The following AP1S2 variants were observed in gnomAD, a reference collection of about 807,000 sequenced individuals.
The protein encoded by AP1S2 is AP-1 complex subunit sigma-2.
A neutral mutation model predicts 14.3 loss-of-function variants in AP1S2; 1 was observed. That is an observed-to-expected ratio of 0.07 (90% CI 0.02 to 0.33). The LOEUF (loss-of-function observed/expected upper bound fraction) is 0.33, where lower values mean the gene tolerates loss of function less well. Among genes scored for constraint, AP1S2 ranks in the 10% least tolerant of loss-of-function variants. AP1S2 has a pLI of 0.99. For synonymous variants in AP1S2, 30 were observed against 40.5 expected (o/e 0.74, Z 0.99); for missense variants, 30 against 117.7 (o/e 0.25, Z 3.45).
chrX:15,851,105 G>A (rs769371346), intron 2 of AP1S2, among the ~76,000 whole-genome samples: 1 of 111,264 alleles, frequency 9.0e-6, no homozygotes, highest in East Asian at 2.8e-4. Flanking sequence ...TACCCATGGG[G>A]CAAAAAGCTT....
intron 4 of AP1S2, among the ~76,000 whole-genome samples, chrX:15,838,680 A>C (rs762155488): frequency 1.7e-4 from 19 of 111,257 alleles, no homozygotes; most frequent in Non-Finnish European, 3.6e-4. Context: ...AAGGCTCAAA[A>C]ACACATAAAG....
intron 4 of AP1S2, among the ~76,000 whole-genome samples, chrX:15,837,635 T>C (rs769906994): frequency 1.2e-3 from 108 of 91,013 alleles, no homozygotes; most frequent in African/African-American, 4.5e-3. Context: ...TGAGACGGAG[T>C]CTTACTCTGT....
chrX:15,832,035 A>G, intron 4 of AP1S2: 2 of 752,833 alleles, frequency 2.7e-6, no homozygotes, highest in Non-Finnish European at 1.6e-6. Context: ...TTAAGTAGCA[A>G]TGAAGGTTTT....
At chrX:15,852,195 G>C (rs1182053281) in intron 2 of AP1S2, 151 bp downstream of exon 2, 2 of 536,309 alleles carry the variant, frequency 3.7e-6, no homozygotes, top group East Asian at 7.4e-5. Flanking sequence ...CAAAACACTA[G>C]TTATTTTAAA....
intron 4 of AP1S2, among the ~76,000 whole-genome samples, chrX:15,836,160 C>T (rs1242307448): frequency 8.9e-6 from 1 of 111,758 alleles, no homozygotes; most frequent in East Asian, 2.8e-4. Flanking sequence ...AGCAATGTGT[C>T]TCAGTACATT....
intron 4 of AP1S2, among the ~76,000 whole-genome samples, chrX:15,837,605 C>G (rs866081245): frequency 2.4e-5 from 2 of 82,616 alleles, no homozygotes; most frequent in South Asian, 1.2e-3. Flanking sequence ...ATAGAGATGA[C>G]TTTTTTTTTT....
chrX:15,834,249 G>A (rs754897415), intron 4 of AP1S2, among the ~76,000 whole-genome samples: 8 of 103,062 alleles, frequency 7.8e-5, no homozygotes, highest in Non-Finnish European at 1.4e-4. Flanking sequence ...CAGTCCCAAC[G>A]ATTCTCCTTT....
chrX:15,852,871 C>T (rs1184901209), intron 1 of AP1S2: 1 of 748,423 alleles, frequency 1.3e-6, no homozygotes, highest in East Asian at 1.5e-4. Context: ...ATTGCGCACT[C>T]TCTATATGCA....
intron 4 of AP1S2, chrX:15,833,585 TA>T: frequency 1.5e-6 from 1 of 667,168 alleles, no homozygotes; most frequent in Non-Finnish European, 1.8e-6. Context: ...AATAACGTTT[TA>T]AATAATTTCC....
chrX:15,832,684 T>A (rs977954838), intron 4 of AP1S2: 1 of 838,991 alleles, frequency 1.2e-6, no homozygotes, highest in Non-Finnish European at 1.4e-6. Flanking sequence ...TAATGAATGC[T>A]TTATTGTCAA....
chrX:15,854,574 G>C (rs895730197), intron 1 of AP1S2, 114 bp downstream of exon 1: 157 of 220,653 alleles, frequency 7.1e-4, no homozygotes, highest in African/African-American at 4.6e-3. Context: ...GTGGCGGGCC[G>C]GGCAGGCTCG....
chrX:15,838,437 T>C (rs1322496209), intron 4 of AP1S2, among the ~76,000 whole-genome samples: 3 of 109,400 alleles, frequency 2.7e-5, no homozygotes, highest in East Asian at 5.7e-4. Flanking sequence ...CAAAAGAAAA[T>C]GTCAGTAGGT....
At chrX:15,851,054 A>C (rs1013879698) in intron 2 of AP1S2, among the ~76,000 whole-genome samples, 2 of 111,915 alleles carry the variant, frequency 1.8e-5, no homozygotes, top group Non-Finnish European at 3.8e-5. Context: ...TCCTGATTTC[A>C]CAAGGAGCAG....
chrX:15,846,032 G>GA, intron 2 of AP1S2, 21 bp from the exon 3 acceptor site: 2 of 1,019,978 alleles, frequency 2.0e-6, no homozygotes, highest in Non-Finnish European at 2.8e-6. Flanking sequence ...GTACAAATGT[G>GA]AAAAAAACTG....
chrX:15,831,624 A>G (rs923991689), intron 4 of AP1S2: 81 of 779,852 alleles, frequency 1.0e-4, no homozygotes, highest in East Asian at 2.7e-4. Context: ...CACAGACACA[A>G]TCAGATTTCT....
chrX:15,843,500 A>G, intron 4 of AP1S2, among the ~76,000 whole-genome samples: 1 of 112,081 alleles, frequency 8.9e-6, no homozygotes, highest in South Asian at 3.7e-4. Context: ...GGTTGCAGTG[A>G]GCCAAGATCG....
At chrX:15,851,978 A>T (rs1934193737) in intron 2 of AP1S2, among the ~76,000 whole-genome samples, 1 of 112,254 alleles carries the variant, frequency 8.9e-6, no homozygotes, top group Non-Finnish European at 1.9e-5. Flanking sequence ...GGGAAAAAGA[A>T]TTAGACTCTA....
At chrX:15,829,008 C>T (rs1601838608) in intron 4 of AP1S2, among the ~76,000 whole-genome samples, 1 of 111,514 alleles carries the variant, frequency 9.0e-6, no homozygotes, top group East Asian at 2.8e-4. Flanking sequence ...GGGACACATA[C>T]TGAAGTATTA....
At chrX:15,843,593 T>C (rs1933908824) in intron 4 of AP1S2, among the ~76,000 whole-genome samples, 1 of 111,788 alleles carries the variant, frequency 8.9e-6, no homozygotes, top group South Asian at 3.7e-4. Context: ...AGGAAAAATA[T>C]TAAAATTAAA....
Sources: allele counts gnomAD v4.1 joint callset (sites outside exome capture counted in the v4.1 genomes callset), GRCh38; gene constraint gnomAD v4.1.1; transcripts MANE v1.5; gene names NCBI Gene and HGNC (gene_info 2026-07-23, HGNC 2026-07-21).